Variants in MKLN1 observed in about 807,000 individuals in gnomAD.
MKLN1 encodes muskelin.
Under a neutral mutation model 99.0 loss-of-function variants are expected in MKLN1, and 18 were observed. The ratio of observed to expected loss-of-function variants is 0.18; its 90% CI spans 0.13 to 0.27. The LOEUF is 0.27. Among genes scored for constraint, MKLN1 ranks in the 10% least tolerant of loss-of-function variants. The probability of loss-of-function intolerance (pLI) is 1.00; values close to 1 mark genes in which losing one functional copy is unlikely to be tolerated. For missense variants in MKLN1, 621 were observed against 875.9 expected (o/e 0.71, Z 3.67); for synonymous variants, 288 against 293.2 (o/e 0.98, Z 0.18).
chr7:131,276,153 C>T (rs374746577), intron 3 of MKLN1, among the ~76,000 whole-genome samples: 1 of 152,208 alleles, frequency 6.6e-6, no homozygotes, highest in Non-Finnish European at 1.5e-5. Flanking sequence ...AAGGAAACCA[C>T]AGAAGCATTT....
chr7:131,288,625 G>T (rs1468462137), intron 3 of MKLN1, among the ~76,000 whole-genome samples: 7 of 152,218 alleles, frequency 4.6e-5, no homozygotes, highest in African/African-American at 1.7e-4. Context: ...GCAACGAGGA[G>T]TGGGAAGGTG....
chr7:131,447,763 A>T (rs771614607), intron 12 of MKLN1, among the ~76,000 whole-genome samples: 8 of 152,192 alleles, frequency 5.3e-5, no homozygotes, highest in Non-Finnish European at 7.3e-5. Flanking sequence ...GATAATAATT[A>T]CTACTCTTTA....
At chr7:131,400,684 C>T (rs1794514865) in intron 6 of MKLN1, among the ~76,000 whole-genome samples, 1 of 151,532 alleles carries the variant, frequency 6.6e-6, no homozygotes, top group African/African-American at 2.4e-5. Flanking sequence ...AGCAAAACAA[C>T]AGCCACAGGC....
At chr7:131,459,171 C>T (rs925201539) in intron 12 of MKLN1, among the ~76,000 whole-genome samples, 4 of 152,156 alleles carry the variant, frequency 2.6e-5, no homozygotes, top group Non-Finnish European at 5.9e-5. Context: ...CAACAAGGCC[C>T]GTCTGTTCAG....
intron 3 of MKLN1, among the ~76,000 whole-genome samples, chr7:131,252,131 T>A (rs1797590021): frequency 6.6e-6 from 1 of 152,062 alleles, no homozygotes; most frequent in African/African-American, 2.4e-5. Flanking sequence ...AGGCCAAGTT[T>A]CAGTCTGGAG....
chr7:131,369,649 GT>G (rs1483253157), intron 1 of MKLN1, among the ~76,000 whole-genome samples: 1 of 152,090 alleles, frequency 6.6e-6, no homozygotes, highest in East Asian at 1.9e-4. Flanking sequence ...CCAAACTATT[GT>G]TTGTCTCCTG....
intron 3 of MKLN1, among the ~76,000 whole-genome samples, chr7:131,302,899 G>T (rs556326252): frequency 6.6e-6 from 1 of 152,304 alleles, no homozygotes; most frequent in Non-Finnish European, 1.5e-5. Context: ...GAGAAGGTCA[G>T]CTGGCTGGTC....
At chr7:131,279,843 ATGGTTTT>A (rs1417293625) in intron 3 of MKLN1, among the ~76,000 whole-genome samples, 1 of 152,074 alleles carries the variant, frequency 6.6e-6, no homozygotes, top group African/African-American at 2.4e-5. Context: ...ATATAGTTCA[ATGGTTTT>A]TTTACTGTAT....
rs150639834 is a variant in MKLN1 at position 131,246,694 on chromosome 7, C to T, written c.-179+43720C>T. ...GTAGAGACGGGGTTTTGCCATGTTG[C>T]CCAGGCTGGACTCCTGGCCTCAAGT... On this transcript the variant is annotated intron_variant, in intron 3 of 7. Transcript: ENST00000416992. 6.6e-3 allele frequency among the ~76,000 whole-genome samples: 1,000 copies of T among 151,366 alleles called. 18 individuals are homozygous for T. The highest frequency in any genetic ancestry group is 0.023 in the African/African-American group (944 of 41,174).
chr7:131,403,408 T>C (rs1432898191), intron 6 of MKLN1, among the ~76,000 whole-genome samples: 1 of 152,206 alleles, frequency 6.6e-6, no homozygotes, highest in Non-Finnish European at 1.5e-5. Context: ...TCCAGACCGC[T>C]CTAACTTTCT....
intron 2 of MKLN1, among the ~76,000 whole-genome samples, chr7:131,191,668 C>T (rs1796543223): frequency 6.6e-6 from 1 of 151,928 alleles, no homozygotes; most frequent in Non-Finnish European, 1.5e-5. Context: ...CAGGGTGTTA[C>T]CTCCAATTGG....
At chr7:131,240,669 A>G (rs752063429) in intron 3 of MKLN1, among the ~76,000 whole-genome samples, 3 of 152,240 alleles carry the variant, frequency 2.0e-5, no homozygotes, top group Non-Finnish European at 2.9e-5. Flanking sequence ...AATTTGTCCT[A>G]ATAAAATATT....
At chr7:131,147,217 A>ATTTTTTTTTTTT (rs71168371) in intron 2 of MKLN1, among the ~76,000 whole-genome samples, 3 of 136,326 alleles carry the variant, frequency 2.2e-5, no homozygotes, top group Non-Finnish European at 3.1e-5. Flanking sequence ...ACACCCAGCT[A>ATTTTTTTTTTTT]TTTTTTTTTT....
intron 16 of MKLN1, among the ~76,000 whole-genome samples, chr7:131,472,594 ATG>A (rs5887506): frequency 0.14 from 21,485 of 149,946 alleles, 1,694 homozygotes; most frequent in Middle Eastern, 0.29. Context: ...TGAAGTGTGT[ATG>A]TGTGTGTGTG....
intron 3 of MKLN1, among the ~76,000 whole-genome samples, chr7:131,256,970 TTAAAA>T (rs1416012250): frequency 6.6e-6 from 1 of 152,246 alleles, no homozygotes; most frequent in African/African-American, 2.4e-5. Context: ...AAAAATACAA[TTAAAA>T]TAAAAGGTTA....
At chr7:131,428,996 C>CT in intron 8 of MKLN1, 37 bp from the exon 9 acceptor site, 1 of 1,545,816 alleles carries the variant, frequency 6.5e-7, no homozygotes, top group East Asian at 2.2e-5. Context: ...CTTATTTTGT[C>CT]CTTTTTTTTT....
At chr7:131,477,539 A>G (rs1318762491) in intron 16 of MKLN1, among the ~76,000 whole-genome samples, 1 of 152,172 alleles carries the variant, frequency 6.6e-6, no homozygotes, top group Non-Finnish European at 1.5e-5. Flanking sequence ...CCACATACTA[A>G]ACAATCTTTG....
At chr7:131,378,419 G>A (rs1167433281) in intron 2 of MKLN1, among the ~76,000 whole-genome samples, 1 of 152,130 alleles carries the variant, frequency 6.6e-6, no homozygotes, top group Admixed American at 6.6e-5. Flanking sequence ...GCCAGCATGG[G>A]TATAGTTTTC....
At chr7:131,149,830 G>A (rs1795864340) in intron 2 of MKLN1, among the ~76,000 whole-genome samples, 1 of 152,190 alleles carries the variant, frequency 6.6e-6, no homozygotes, top group African/African-American at 2.4e-5. Flanking sequence ...TTGGAAGTAT[G>A]TCAAGAATCA....
Sources: gnomAD v4.1 joint callset for allele counts (sites outside exome capture counted in the v4.1 genomes callset) on GRCh38, gnomAD v4.1.1 for gene constraint, MANE v1.5 for transcripts, NCBI Gene and HGNC (gene_info 2026-07-23, HGNC 2026-07-21) for gene names.